GLIS3: variants seen among roughly 807,000 people sequenced by gnomAD.
The protein encoded by GLIS3 is GLIS family zinc finger 3, also known as zinc finger protein GLIS3.
GLIS3 carries 53 observed loss-of-function variants against 78.6 expected under a neutral mutation model. That is an observed-to-expected ratio of 0.67 (90% CI 0.54 to 0.85). The LOEUF (loss-of-function observed/expected upper bound fraction) is 0.85, where lower values mean the gene tolerates loss of function less well. Ranked by LOEUF, GLIS3 falls within the 40% of genes least tolerant of loss-of-function variation. The probability of loss-of-function intolerance (pLI) is 0.00; values close to 1 mark genes in which losing one functional copy is unlikely to be tolerated. For synonymous variants in GLIS3, 684 were observed against 509.9 expected (o/e 1.34, Z -4.60); for missense variants, 1,703 against 1,231.1 (o/e 1.38, Z -5.74).
intron 4 of GLIS3, among the ~76,000 whole-genome samples, chr9:3,982,176 C>T (rs1023851975): frequency 1.3e-5 from 2 of 151,650 alleles, no homozygotes; most frequent in Non-Finnish European, 2.9e-5. Flanking sequence ...CCATGATTTG[C>T]CCTTCCTCTA....
At chr9:4,325,878 G>A (rs775544658) in intron 2 of GLIS3, among the ~76,000 whole-genome samples, 15 of 152,134 alleles carry the variant, frequency 9.9e-5, no homozygotes, top group Non-Finnish European at 1.0e-4. Flanking sequence ...GCCATGAAAA[G>A]GAATGAGATC....
chr9:3,866,688 A>G (rs1216684006), intron 8 of GLIS3, among the ~76,000 whole-genome samples: 1 of 152,216 alleles, frequency 6.6e-6, no homozygotes, highest in Non-Finnish European at 1.5e-5. Context: ...AACAGATTAA[A>G]CAAGGGAATT....
In GLIS3 at chr9:4,262,696, G is replaced by T. The variant is rs139931330; in HGVS notation, c.388+23342C>A. Among the ~76,000 whole-genome samples the T allele has an allele frequency of 8.6e-3, 1,311 of 152,134 alleles. 15 individuals are homozygous for T. Among genetic ancestry groups the T allele is most frequent in the South Asian group, 0.036 (175 of 4,816 alleles). Reference sequence around the variant, plus strand: ...TTCAATGAGACCTATGTGCTGCTGGGCACTATGCAGCTTTTCTAACTTTGG... The same window carrying T: ...TTCAATGAGACCTATGTGCTGCTGGTCACTATGCAGCTTTTCTAACTTTGG... On this transcript the variant is annotated intron_variant, in intron 2 of 10. Coordinates refer to ENST00000381971, the MANE Select transcript of GLIS3 (RefSeq NM_001042413.2).
the GLIS3 span, among the ~76,000 whole-genome samples, chr9:4,453,943 C>A: frequency 1.3e-5 from 2 of 151,802 alleles, no homozygotes; most frequent in Non-Finnish European, 2.9e-5. Context: ...ACATGTATAC[C>A]TATGTAACAA....
intron 2 of GLIS3, among the ~76,000 whole-genome samples, chr9:4,149,974 C>T (rs938926998): frequency 3.9e-5 from 6 of 152,190 alleles, no homozygotes; most frequent in South Asian, 2.1e-4. Context: ...GTCTTGAATG[C>T]GCACAGTTCA....
At chr9:4,387,860 C>G in the GLIS3 span, among the ~76,000 whole-genome samples, 3 of 152,146 alleles carry the variant, frequency 2.0e-5, no homozygotes, top group Non-Finnish European at 4.4e-5. Flanking sequence ...GTAACTGTAG[C>G]CTTTACAGCA....
intron 4 of GLIS3, among the ~76,000 whole-genome samples, chr9:3,943,617 C>A (rs1816092032): frequency 2.0e-5 from 3 of 152,184 alleles, no homozygotes; most frequent in Admixed American, 2.0e-4. Flanking sequence ...ATCAGTGTAA[C>A]CCAAACTGAG....
intron 2 of GLIS3, among the ~76,000 whole-genome samples, chr9:4,171,918 G>C (rs1474717550): frequency 6.6e-6 from 1 of 152,152 alleles, no homozygotes; most frequent in Non-Finnish European, 1.5e-5. Context: ...ATAAGCAAAG[G>C]TCGAAAAGTG....
At chr9:4,470,533 G>A in the GLIS3 span, among the ~76,000 whole-genome samples, 1 of 152,122 alleles carries the variant, frequency 6.6e-6, no homozygotes, top group African/African-American at 2.4e-5. Context: ...ATGCAGAAAA[G>A]GCCTTTGACA....
At chr9:4,366,130 G>C in the GLIS3 span, among the ~76,000 whole-genome samples, 1 of 152,190 alleles carries the variant, frequency 6.6e-6, no homozygotes, top group East Asian at 1.9e-4. Context: ...AGATAGGACA[G>C]AGGATATAAA....
intron 2 of GLIS3, among the ~76,000 whole-genome samples, chr9:4,319,243 G>A (rs141261724): frequency 6.6e-6 from 1 of 152,120 alleles, no homozygotes; most frequent in African/African-American, 2.4e-5. Flanking sequence ...TCATACTGTG[G>A]TTATGTTAGA....
chr9:4,290,808 A>G (rs1815892110), intron 1 of GLIS3, among the ~76,000 whole-genome samples: 1 of 152,162 alleles, frequency 6.6e-6, no homozygotes, highest in Non-Finnish European at 1.5e-5. Context: ...TCTTGTCTGC[A>G]ATTTTAACCA....
chr9:4,101,922 C>A (rs994785494), intron 4 of GLIS3, among the ~76,000 whole-genome samples: 3 of 152,226 alleles, frequency 2.0e-5, no homozygotes, highest in Admixed American at 2.0e-4. Context: ...GCAGAGCATC[C>A]AAGGACACAG....
At chr9:4,299,363 G>C (rs970617103) in intron 1 of GLIS3, 58 bp downstream of exon 1, 2 of 152,244 alleles carry the variant, frequency 1.3e-5, no homozygotes, top group African/African-American at 2.4e-5. Context: ...ACACTCTCAA[G>C]CGCCCGGTTT....
chr9:3,852,078 G>A (rs56049213), intron 9 of GLIS3, among the ~76,000 whole-genome samples: 2 of 151,996 alleles, frequency 1.3e-5, no homozygotes, highest in African/African-American at 2.4e-5. Context: ...CAGGGAGGTG[G>A]AGGTTGCAGT....
chr9:3,940,740 G>C (rs1299994855), intron 4 of GLIS3, among the ~76,000 whole-genome samples: 2 of 152,184 alleles, frequency 1.3e-5, no homozygotes, highest in East Asian at 3.8e-4. Flanking sequence ...GTGGGGAGCA[G>C]CGATGGAGGA....
chr9:4,281,213 T>G (rs867570970), intron 2 of GLIS3, among the ~76,000 whole-genome samples: 4 of 152,364 alleles, frequency 2.6e-5, no homozygotes, highest in African/African-American at 9.6e-5. Flanking sequence ...GGAGTAAGAT[T>G]GGACACCATC....
At chr9:4,270,498 T>A (rs999279722) in intron 2 of GLIS3, among the ~76,000 whole-genome samples, 1 of 152,152 alleles carries the variant, frequency 6.6e-6, no homozygotes, top group African/African-American at 2.4e-5. Flanking sequence ...CGGGGAAGCA[T>A]CTGCTTCCAG....
chr9:4,362,411 T>C, the GLIS3 span, among the ~76,000 whole-genome samples: 2 of 152,164 alleles, frequency 1.3e-5, no homozygotes, highest in Admixed American at 1.3e-4. Flanking sequence ...AGGAAGACAA[T>C]TTTCATCCCA....
Sources: gnomAD v4.1 joint callset for allele counts (sites outside exome capture counted in the v4.1 genomes callset) on GRCh38, gnomAD v4.1.1 for gene constraint, MANE v1.5 for transcripts, NCBI Gene and HGNC (gene_info 2026-07-23, HGNC 2026-07-21) for gene names.